The following LY96 variants were observed in gnomAD, a reference collection of about 807,000 sequenced individuals.
LY96 encodes lymphocyte antigen 96, also known as myeloid differentiation protein-2.
A neutral mutation model predicts 18.9 loss-of-function variants in LY96; 18 were observed. The observed-to-expected ratio is 0.95, with a 90% CI of 0.66 to 1.41. The LOEUF (loss-of-function observed/expected upper bound fraction) is 1.41. Among genes scored for constraint, LY96 ranks in the 40% most tolerant of loss-of-function variants. The pLI is 0.00. For synonymous variants in LY96, 66 were observed against 62.6 expected, an observed-to-expected ratio of 1.06 and a Z score of -0.26; for missense variants, 175 against 182.4, an observed-to-expected ratio of 0.96 and a Z score of 0.23.
the LY96 span, among the ~76,000 whole-genome samples, chr8:74,065,186 C>A: frequency 2.0e-5 from 3 of 152,136 alleles, no homozygotes; most frequent in Non-Finnish European, 4.4e-5. Context: ...ACTTTCTGGG[C>A]CAAACCAATG....
At chr8:74,055,109 T>C in the LY96 span, among the ~76,000 whole-genome samples, 4 of 151,754 alleles carry the variant, frequency 2.6e-5, no homozygotes, top group Non-Finnish European at 5.9e-5. Context: ...AGTTTTGCCA[T>C]GTTTCCCAGG....
the LY96 span, among the ~76,000 whole-genome samples, chr8:74,060,068 G>A: frequency 2.5e-3 from 376 of 152,322 alleles, 3 homozygotes; most frequent in Non-Finnish European, 3.8e-3. Context: ...GCTGAGGTGA[G>A]CCCAGGAGGC....
At chr8:74,093,269 TTC>T in the LY96 span, among the ~76,000 whole-genome samples, 1 of 152,344 alleles carries the variant, frequency 6.6e-6, no homozygotes, top group Admixed American at 6.5e-5. Context: ...TGTTGCACTG[TTC>T]ATGTCATATT....
the LY96 span, among the ~76,000 whole-genome samples, chr8:74,040,142 G>C: frequency 6.6e-6 from 1 of 152,128 alleles, no homozygotes; most frequent in Non-Finnish European, 1.5e-5. Context: ...GTTATTCCTA[G>C]GTTATATTAG....
the LY96 span, among the ~76,000 whole-genome samples, chr8:74,084,895 G>A: frequency 9.8e-5 from 15 of 152,294 alleles, no homozygotes; most frequent in South Asian, 8.3e-4. Context: ...GATTACAGGC[G>A]TGAGCCACCG....
At chr8:73,991,676 C>A in intron 1 of LY96, 122 bp downstream of exon 1, 1 of 672,762 alleles carries the variant, frequency 1.5e-6, no homozygotes, top group East Asian at 2.8e-5. Flanking sequence ...GCTGCTGTGG[C>A]GGACGCTGCC....
the LY96 span, among the ~76,000 whole-genome samples, chr8:74,053,162 G>T: frequency 9.8e-3 from 1,497 of 152,276 alleles, 18 homozygotes; most frequent in African/African-American, 0.034. Flanking sequence ...GTGGGCATGA[G>T]CCCTGACTCC....
intron 1 of LY96, among the ~76,000 whole-genome samples, chr8:73,993,737 C>T (rs533993162): frequency 7.2e-5 from 11 of 152,270 alleles, no homozygotes; most frequent in Middle Eastern, 3.4e-3. Context: ...GCCACCGCAG[C>T]TGGCCTAATT....
chr8:74,036,334 AGT>A, the LY96 span, among the ~76,000 whole-genome samples: 1 of 152,340 alleles, frequency 6.6e-6, no homozygotes, highest in East Asian at 1.9e-4. Flanking sequence ...ACTCAGGAGT[AGT>A]GGGGTCAGAG....
chr8:74,016,826 G>A (rs1292665062), intron 3 of LY96, among the ~76,000 whole-genome samples: 1 of 152,170 alleles, frequency 6.6e-6, no homozygotes, highest in Non-Finnish European at 1.5e-5. Context: ...CTCTTAGAAG[G>A]AAAGCTAACA....
At chr8:74,024,282 T>C (rs966727201) in intron 3 of LY96, among the ~76,000 whole-genome samples, 6 of 151,540 alleles carry the variant, frequency 4.0e-5, no homozygotes, top group Admixed American at 2.6e-4. Context: ...ATGATTCAAT[T>C]TGTGATAAAT....
At chr8:74,002,826 G>A (rs547397345) in intron 1 of LY96, among the ~76,000 whole-genome samples, 25 of 152,052 alleles carry the variant, frequency 1.6e-4, no homozygotes, top group Admixed American at 1.1e-3. Context: ...TGCCCGCCTC[G>A]GCCTCCCAGA....
intron 3 of LY96, among the ~76,000 whole-genome samples, chr8:74,020,580 A>G (rs1347204305): frequency 6.6e-6 from 1 of 152,258 alleles, no homozygotes; most frequent in African/African-American, 2.4e-5. Context: ...TTTAAAGTTC[A>G]TCTGGAACCA....
Position 74,009,995 on chromosome 8 carries a change from T to C in LY96, c.203-6T>C. On this transcript the variant is annotated splice_polypyrimidine_tract_variant and splice_region_variant and intron_variant, in intron 2 of 4. Coordinates refer to ENST00000284818, the MANE Select transcript of LY96 (RefSeq NM_015364.5). ...TGAGGGCCTAATGGGATTTTTTCTT[T>C]TAAAGGGAGAGATTTAAAGCAATTA... The C allele has an allele frequency of 6.3e-7, 1 of 1,591,178 alleles. No individual in the cohort carries two copies.
chr8:74,063,584 A>G, the LY96 span, among the ~76,000 whole-genome samples: 1 of 152,140 alleles, frequency 6.6e-6, no homozygotes, highest in African/African-American at 2.4e-5. Context: ...ATAAATTTAC[A>G]TCTGTTCACC....
At chr8:74,031,056 A>C (rs530984965), downstream of LY96, among the ~76,000 whole-genome samples, 43 of 146,132 alleles carry the variant, frequency 2.9e-4, no homozygotes, top group South Asian at 8.8e-3. Flanking sequence ...GGCTGGGGCT[A>C]CCCCCGTGTT....
chr8:74,054,617 CTTCTTTCTTTCTTTCT>C, the LY96 span, among the ~76,000 whole-genome samples: 265 of 70,164 alleles, frequency 3.8e-3, 2 homozygotes, highest in East Asian at 0.011. Flanking sequence ...TTTCCTTTTC[CTTCTTTCTTTCTTTCT>C]TTCTTTCTTT....
the LY96 span, among the ~76,000 whole-genome samples, chr8:74,097,695 G>C: frequency 7.6e-3 from 1,158 of 152,180 alleles, 15 homozygotes; most frequent in African/African-American, 0.026. Flanking sequence ...CACAGAGCAA[G>C]ACTCTGTCTC....
the LY96 span, among the ~76,000 whole-genome samples, chr8:74,035,573 A>G: frequency 1.3e-5 from 2 of 152,210 alleles, no homozygotes; most frequent in South Asian, 2.1e-4. Flanking sequence ...TGGTTCAGGC[A>G]ATGACAGGAA....
Sources: gnomAD v4.1 joint callset for allele counts (sites outside exome capture counted in the v4.1 genomes callset) on GRCh38, gnomAD v4.1.1 for gene constraint, MANE v1.5 for transcripts, NCBI Gene and HGNC (gene_info 2026-07-23, HGNC 2026-07-21) for gene names.